CSMD1: variants seen among roughly 807,000 people sequenced by gnomAD.
The protein encoded by CSMD1 is CUB and sushi domain-containing protein 1.
Under a neutral mutation model 417.5 loss-of-function variants are expected in CSMD1, and 213 were observed. That is an observed-to-expected ratio of 0.51 (90% CI 0.46 to 0.57). The LOEUF (loss-of-function observed/expected upper bound fraction) is 0.57. Ranked by LOEUF, CSMD1 falls within the 20% of genes least tolerant of loss-of-function variation. The probability of loss-of-function intolerance (pLI) is 0.00; values close to 1 mark genes in which losing one functional copy is unlikely to be tolerated. For synonymous variants in CSMD1, 2,862 were observed against 1,736.8 expected (o/e 1.65, Z -16.11); for missense variants, 6,923 against 4,529.7 (o/e 1.53, Z -15.17).
intron 2 of CSMD1, among the ~76,000 whole-genome samples, chr8:4,488,609 C>G (rs552763206): frequency 1.3e-5 from 2 of 152,016 alleles, no homozygotes; most frequent in Non-Finnish European, 2.9e-5. Flanking sequence ...TGTGCTTTAA[C>G]ACATCCAATC....
chr8:4,837,655 G>A (rs934107272), intron 1 of CSMD1, among the ~76,000 whole-genome samples: 1 of 151,592 alleles, frequency 6.6e-6, no homozygotes, highest in Non-Finnish European at 1.5e-5. Context: ...TAGTTAACAG[G>A]TACAAAAAAA....
At chr8:3,760,491 A>G (rs1167992937) in intron 5 of CSMD1, among the ~76,000 whole-genome samples, 1 of 152,190 alleles carries the variant, frequency 6.6e-6, no homozygotes, top group Non-Finnish European at 1.5e-5. Flanking sequence ...TTCTATTTAT[A>G]ACATACTCCT....
At chr8:4,165,459 G>A (rs766969392) in intron 3 of CSMD1, among the ~76,000 whole-genome samples, 1 of 152,202 alleles carries the variant, frequency 6.6e-6, no homozygotes, top group African/African-American at 2.4e-5. Context: ...CAGGCTGAGT[G>A]CAATGGCAGT....
At chr8:4,401,922 C>G (rs944842414) in intron 3 of CSMD1, among the ~76,000 whole-genome samples, 2 of 152,044 alleles carry the variant, frequency 1.3e-5, no homozygotes. Flanking sequence ...CTTATTGAAG[C>G]CATCCATCCC....
At chr8:4,847,139 T>C (rs957528674) in intron 1 of CSMD1, among the ~76,000 whole-genome samples, 2 of 152,224 alleles carry the variant, frequency 1.3e-5, no homozygotes, top group Admixed American at 6.6e-5. Context: ...GATACTTCTT[T>C]GTTTCTGAAT....
chr8:4,928,983 G>T (rs11136796), intron 1 of CSMD1, among the ~76,000 whole-genome samples: 1 of 152,026 alleles, frequency 6.6e-6, no homozygotes, highest in Admixed American at 6.6e-5. Context: ...AAGCATAAGA[G>T]TCACTTGAAC....
At chr8:4,812,825 A>G (rs1798985878) in intron 1 of CSMD1, among the ~76,000 whole-genome samples, 1 of 152,126 alleles carries the variant, frequency 6.6e-6, no homozygotes, top group African/African-American at 2.4e-5. Context: ...CTAATACTCC[A>G]CTTTTCATAG....
intron 4 of CSMD1, among the ~76,000 whole-genome samples, chr8:3,998,844 A>C (rs1487594493): frequency 2.0e-5 from 3 of 150,754 alleles, no homozygotes; most frequent in Non-Finnish European, 4.4e-5. Flanking sequence ...ATTACAAAAT[A>C]TTATATGCAT....
At chr8:2,962,841 G>C (rs1006512905) in intron 60 of CSMD1, among the ~76,000 whole-genome samples, 25 of 152,316 alleles carry the variant, frequency 1.6e-4, no homozygotes, top group African/African-American at 6.0e-4. Context: ...TTGAGCTCAG[G>C]AGTTCGAGAC....
At chr8:3,573,192 A>G (rs1800013341) in intron 10 of CSMD1, among the ~76,000 whole-genome samples, 2 of 152,168 alleles carry the variant, frequency 1.3e-5, no homozygotes, top group South Asian at 4.1e-4. Flanking sequence ...CAACATGTGG[A>G]TTTATCTGTT....
chr8:3,164,604 C>T (rs551686770), intron 37 of CSMD1, among the ~76,000 whole-genome samples: 1 of 151,834 alleles, frequency 6.6e-6, no homozygotes, highest in East Asian at 1.9e-4. Context: ...TTTTATTTCC[C>T]CCTGAAAAAA....
intron 1 of CSMD1, among the ~76,000 whole-genome samples, chr8:4,717,532 A>G (rs972519343): frequency 3.4e-5 from 5 of 148,632 alleles, no homozygotes; most frequent in South Asian, 2.1e-4. Context: ...AAACCTATCA[A>G]TCTGTCTGTC....
intron 1 of CSMD1, among the ~76,000 whole-genome samples, chr8:4,737,683 A>G (rs960520849): frequency 3.3e-5 from 5 of 152,212 alleles, no homozygotes; most frequent in African/African-American, 1.2e-4. Flanking sequence ...GAATGCAAGG[A>G]ATAAATCATT....
chr8:3,383,079 G>A (rs183756269), intron 18 of CSMD1, among the ~76,000 whole-genome samples: 3 of 142,886 alleles, frequency 2.1e-5, no homozygotes, highest in Non-Finnish European at 4.6e-5. Context: ...AAATGGATCT[G>A]GACACTACAT....
chr8:3,887,912 C>A (rs1164052783), intron 5 of CSMD1, among the ~76,000 whole-genome samples: 1 of 152,082 alleles, frequency 6.6e-6, no homozygotes, highest in African/African-American at 2.4e-5. Context: ...CAGTTGACAT[C>A]AATTACAATC....
At chr8:3,165,000 A>C (rs1359232778) in intron 37 of CSMD1, among the ~76,000 whole-genome samples, 2 of 151,896 alleles carry the variant, frequency 1.3e-5, no homozygotes, top group Non-Finnish European at 2.9e-5. Flanking sequence ...TTAAGGAATT[A>C]TAATTAATTT....
chr8:3,660,312 G>A (rs962675590), intron 7 of CSMD1, among the ~76,000 whole-genome samples: 2 of 152,006 alleles, frequency 1.3e-5, no homozygotes, highest in African/African-American at 4.8e-5. Context: ...GATGGTAACT[G>A]TGTCCACCTT....
intron 2 of CSMD1, among the ~76,000 whole-genome samples, chr8:4,617,420 T>C (rs1801532301): frequency 6.6e-6 from 1 of 152,158 alleles, no homozygotes; most frequent in Admixed American, 6.5e-5. Context: ...ATTTTAAATA[T>C]GCAAGGTAGT....
chr8:4,542,074 G>C (rs1447033345), intron 2 of CSMD1, among the ~76,000 whole-genome samples: 1 of 152,070 alleles, frequency 6.6e-6, no homozygotes, highest in African/African-American at 2.4e-5. Flanking sequence ...GCGCCCTCTA[G>C]CTTCTTACCA....
Sources: gnomAD v4.1 joint callset for allele counts (sites outside exome capture counted in the v4.1 genomes callset) on GRCh38, gnomAD v4.1.1 for gene constraint, MANE v1.5 for transcripts, NCBI Gene and HGNC (gene_info 2026-07-23, HGNC 2026-07-21) for gene names.